The following SPATA31H1 variants were observed in gnomAD, a reference collection of about 807,000 sequenced individuals.
The protein encoded by SPATA31H1 is spermatogenesis-associated protein 31H1.
the SPATA31H1 span, among the ~76,000 whole-genome samples, chr2:27,562,236 G>T: frequency 6.6e-6 from 1 of 151,844 alleles, no homozygotes; most frequent in African/African-American, 2.4e-5. Context: ...CCTTTATTTT[G>T]TCATATTAAT....
chr2:27,566,127 T>G, the SPATA31H1 span: 6 of 717,468 alleles, frequency 8.4e-6, no homozygotes, highest in Non-Finnish European at 1.6e-5. Context: ...CAGCCTATTC[T>G]ACTGATAAAT....
chr2:27,546,030 A>G, the SPATA31H1 span, among the ~76,000 whole-genome samples: 80 of 152,120 alleles, frequency 5.3e-4, 1 homozygote, highest in African/African-American at 1.9e-3. Flanking sequence ...TATTTTTAAT[A>G]ATTGGGTTTC....
chr2:27,573,118 C>T, the SPATA31H1 span: 4 of 397,384 alleles, frequency 1.0e-5, no homozygotes, highest in African/African-American at 6.2e-5. Context: ...TCCACAGAGT[C>T]GGGAGGTGTA....
the SPATA31H1 span, among the ~76,000 whole-genome samples, chr2:27,559,033 A>AT: frequency 6.6e-6 from 1 of 152,004 alleles, no homozygotes; most frequent in Non-Finnish European, 1.5e-5. Flanking sequence ...ATTTGTTTTT[A>AT]TTCCCCATGT....
At chr2:27,560,155 C>T in the SPATA31H1 span, among the ~76,000 whole-genome samples, 1 of 152,144 alleles carries the variant, frequency 6.6e-6, no homozygotes, top group East Asian at 1.9e-4. Flanking sequence ...CGTGAGCCAC[C>T]ATGCCTGGCA....
chr2:27,577,810 T>C, the SPATA31H1 span: 1 of 1,614,096 alleles, frequency 6.2e-7, no homozygotes. This position sits in a 1 kb window ranked among gnomAD's most constrained non-coding sequence, Gnocchi z 4.5. Context: ...TGGCTACAAA[T>C]GGAGGAATCT....
At chr2:27,553,257 C>T in the SPATA31H1 span, among the ~76,000 whole-genome samples, 31 of 152,200 alleles carry the variant, frequency 2.0e-4, no homozygotes, top group Admixed American at 2.0e-3. Context: ...CTTTCCTTGT[C>T]TTCCAGAATA....
the SPATA31H1 span, chr2:27,579,556 T>A: frequency 6.2e-7 from 1 of 1,613,808 alleles, no homozygotes; most frequent in Non-Finnish European, 8.5e-7. Context: ...GGGACTAGAG[T>A]GAGAATAAAG....
chr2:27,547,554 T>C, the SPATA31H1 span, among the ~76,000 whole-genome samples: 2 of 151,984 alleles, frequency 1.3e-5, no homozygotes, highest in Non-Finnish European at 2.9e-5. Context: ...ATCCTGTTAA[T>C]TGTCACACAA....
the SPATA31H1 span, among the ~76,000 whole-genome samples, chr2:27,547,979 C>CTTTT: frequency 1.6e-4 from 18 of 113,254 alleles, no homozygotes; most frequent in Non-Finnish European, 2.1e-4. Flanking sequence ...ATAGTAATTT[C>CTTTT]TTTTTTTTTT....
At chr2:27,576,833 T>C in the SPATA31H1 span, 1 of 1,614,130 alleles carries the variant, frequency 6.2e-7, no homozygotes, top group Non-Finnish European at 8.5e-7. Context: ...TGCAGCAAAC[T>C]ATAAAATCTG....
the SPATA31H1 span, among the ~76,000 whole-genome samples, chr2:27,563,409 T>A: frequency 7.9e-6 from 1 of 126,970 alleles, no homozygotes; most frequent in East Asian, 2.6e-4. Context: ...TTTTTTTTTT[T>A]TTGAGACAGG....
the SPATA31H1 span, among the ~76,000 whole-genome samples, chr2:27,547,076 T>C: frequency 1.3e-5 from 2 of 152,040 alleles, no homozygotes; most frequent in African/African-American, 4.8e-5. Context: ...CTCTGTTTTG[T>C]TACATTGGTC....
chr2:27,539,131 G>C, the SPATA31H1 span, among the ~76,000 whole-genome samples: 3 of 76,700 alleles, frequency 3.9e-5, no homozygotes, highest in Non-Finnish European at 7.4e-5. Flanking sequence ...TTTTTTAATT[G>C]ATCATTCTTG....
At chr2:27,541,255 C>T in the SPATA31H1 span, among the ~76,000 whole-genome samples, 20,020 of 151,856 alleles carry the variant, frequency 0.13, 1,763 homozygotes, top group East Asian at 0.35. Context: ...TCAGGCGTGG[C>T]GTGGCGGCGA....
chr2:27,575,451 C>T, the SPATA31H1 span: 8 of 398,558 alleles, frequency 2.0e-5, no homozygotes, highest in East Asian at 2.8e-4. This position sits in a 1 kb window ranked among gnomAD's most constrained non-coding sequence, Gnocchi z 4.1. Context: ...GCAACAGTTG[C>T]AAGGTGTGAA....
chr2:27,579,769 C>T, the SPATA31H1 span: 1 of 1,614,170 alleles, frequency 6.2e-7, no homozygotes, highest in Non-Finnish European at 8.5e-7. Context: ...TCCCAACACT[C>T]CCTCAAGCCA....
the SPATA31H1 span, among the ~76,000 whole-genome samples, chr2:27,552,046 C>T: frequency 1.3e-5 from 2 of 151,976 alleles, no homozygotes; most frequent in African/African-American, 4.8e-5. Flanking sequence ...GATCTCTTGA[C>T]GTCATGATCC....
the SPATA31H1 span, chr2:27,578,321 A>G: frequency 1.2e-6 from 2 of 1,614,210 alleles, no homozygotes; most frequent in Admixed American, 3.3e-5. Flanking sequence ...TGGAGTTGAC[A>G]GGGTTTCAAA....
Sources: gnomAD v4.1 joint callset for allele counts (sites outside exome capture counted in the v4.1 genomes callset) on GRCh38, gnomAD v4.1.1 for gene constraint, Gnocchi (gnomAD v3.1) non-coding constraint, MANE v1.5 for transcripts, NCBI Gene and HGNC (gene_info 2026-07-23, HGNC 2026-07-21) for gene names.